Variants in ROBO2 observed in about 807,000 individuals in gnomAD.
ROBO2 encodes roundabout homolog 2.
Under a neutral mutation model 160.8 loss-of-function variants are expected in ROBO2, and 53 were observed. The ratio of observed to expected loss-of-function variants is 0.33; its 90% CI spans 0.26 to 0.41. The LOEUF (loss-of-function observed/expected upper bound fraction) is 0.41. Among genes scored for constraint, ROBO2 ranks in the 10% least tolerant of loss-of-function variants. The pLI, the probability that ROBO2 is intolerant of heterozygous loss-of-function variation, is 1.00. For missense variants in ROBO2, 1,577 were observed against 1,722.4 expected (o/e 0.92, Z 1.49); for synonymous variants, 664 against 611.7 (o/e 1.09, Z -1.26).
exon 26 of ROBO2, chr3:77,648,332 T>C (rs2095426353): frequency 2.0e-5 from 3 of 152,196 alleles, no homozygotes; most frequent in Non-Finnish European, 4.4e-5. Context: ...ATACAACACA[T>C]AGCCTTTGAT....
chr3:76,896,775 C>T (rs1238884592), intron 2 of ROBO2, among the ~76,000 whole-genome samples: 1 of 152,050 alleles, frequency 6.6e-6, no homozygotes, highest in Non-Finnish European at 1.5e-5. Context: ...TTACAATTTT[C>T]CTAATAATTG....
intron 2 of ROBO2, among the ~76,000 whole-genome samples, chr3:77,281,378 G>A (rs539969813): frequency 1.3e-5 from 2 of 152,088 alleles, no homozygotes; most frequent in Non-Finnish European, 2.9e-5. Flanking sequence ...AGGACAAAAG[G>A]TTTTTCTAGA....
At chr3:77,269,431 G>A (rs35610462) in intron 2 of ROBO2, among the ~76,000 whole-genome samples, 1,748 of 152,148 alleles carry the variant, frequency 0.011, 27 homozygotes, top group Non-Finnish European at 0.015. Flanking sequence ...TTAGGCTTTG[G>A]TACCTTTTTT....
At chr3:76,352,192 T>C (rs2074918053) in intron 2 of ROBO2, among the ~76,000 whole-genome samples, 1 of 151,942 alleles carries the variant, frequency 6.6e-6, no homozygotes, top group Non-Finnish European at 1.5e-5. Context: ...TGTGTACTAA[T>C]CTCATGATCT....
At chr3:77,641,158 G>A (rs1436868880) in intron 24 of ROBO2, among the ~76,000 whole-genome samples, 1 of 152,178 alleles carries the variant, frequency 6.6e-6, no homozygotes, top group Non-Finnish European at 1.5e-5. Context: ...CCAACAAACA[G>A]ATATCTCAAT....
chr3:76,189,891 A>G (rs1009935026), intron 2 of ROBO2, among the ~76,000 whole-genome samples: 1 of 152,112 alleles, frequency 6.6e-6, no homozygotes, highest in Non-Finnish European at 1.5e-5. Context: ...TCACTTGTCT[A>G]AAGGCATACA....
intron 2 of ROBO2, chr3:77,317,488 A>C (rs2064126716): frequency 6.7e-7 from 1 of 1,496,554 alleles, no homozygotes; most frequent in Admixed American, 1.7e-5. Context: ...GAGCTTGTAA[A>C]CTCCGATCCA....
At chr3:75,926,071 C>T (rs943292097) in intron 1 of ROBO2, among the ~76,000 whole-genome samples, 3 of 152,104 alleles carry the variant, frequency 2.0e-5, no homozygotes, top group African/African-American at 7.2e-5. Context: ...AAAAATCTGA[C>T]AAATATGATG....
intron 2 of ROBO2, among the ~76,000 whole-genome samples, chr3:77,365,536 C>T (rs535726143): frequency 1.3e-5 from 2 of 152,234 alleles, no homozygotes; most frequent in Admixed American, 6.5e-5. Context: ...TTGTCTAAGT[C>T]ACTGTTCTAT....
At chr3:76,851,840 A>C (rs2148543506) in intron 2 of ROBO2, among the ~76,000 whole-genome samples, 1 of 152,058 alleles carries the variant, frequency 6.6e-6, no homozygotes. Flanking sequence ...TTGAGATGTA[A>C]ATTTTCAGTG....
chr3:76,199,303 T>G (rs1281266145), intron 2 of ROBO2, among the ~76,000 whole-genome samples: 1 of 152,112 alleles, frequency 6.6e-6, no homozygotes, highest in East Asian at 1.9e-4. Context: ...TCACAGCCTT[T>G]AGAAACAGCA....
At position 76,507,359 on chromosome 3, in the gene ROBO2, C is replaced by G. The variant is rs1050679094; in HGVS notation, c.109+569757C>G. The stretch of plus-strand genomic sequence containing the variant: ...TAAAGATTATTCTAGCTATATAACC[C>G]TCACTTCTTTATGTAATTACTAAAT... On this transcript the variant is annotated intron_variant, in intron 2 of 26. Coordinates refer to the ROBO2 transcript ENST00000487694. 2.6e-5 allele frequency among the ~76,000 whole-genome samples: 4 copies of G among 151,760 alleles called. No individual in the cohort carries two copies. In the East Asian group the frequency reaches 5.8e-4, roughly 22 times the overall value.
At chr3:76,858,674 T>C (rs1039028844) in intron 2 of ROBO2, among the ~76,000 whole-genome samples, 1 of 152,140 alleles carries the variant, frequency 6.6e-6, no homozygotes, top group Non-Finnish European at 1.5e-5. Flanking sequence ...GACAGAGAAG[T>C]TTGATTTTTC....
chr3:77,310,600 A>T (rs1023266988), intron 2 of ROBO2, among the ~76,000 whole-genome samples: 6 of 152,196 alleles, frequency 3.9e-5, no homozygotes, highest in African/African-American at 1.4e-4. Context: ...TGTGTCTTTC[A>T]GAAAAATTGT....
At chr3:76,245,560 T>G (rs1705567827) in intron 2 of ROBO2, among the ~76,000 whole-genome samples, 1 of 152,218 alleles carries the variant, frequency 6.6e-6, no homozygotes, top group Non-Finnish European at 1.5e-5. Context: ...GATTTTGGTT[T>G]ATCTTTCTCT....
chr3:77,152,604 C>T (rs1560117999), intron 2 of ROBO2, among the ~76,000 whole-genome samples: 1 of 152,184 alleles, frequency 6.6e-6, no homozygotes, highest in East Asian at 1.9e-4. Flanking sequence ...AATCTCAGGC[C>T]TTATGCCAGG....
intron 2 of ROBO2, among the ~76,000 whole-genome samples, chr3:75,958,811 T>TA (rs900504844): frequency 4.6e-5 from 7 of 151,740 alleles, no homozygotes; most frequent in Admixed American, 1.3e-4. Context: ...GTAACAAAGA[T>TA]AAAAAAAGCA....
At chr3:77,342,373 G>A (rs1206061943) in intron 2 of ROBO2, among the ~76,000 whole-genome samples, 1 of 152,166 alleles carries the variant, frequency 6.6e-6, no homozygotes, top group Non-Finnish European at 1.5e-5. Flanking sequence ...TGAAAGTGCA[G>A]TGTGGGGTCA....
rs573453603 is a variant in ROBO2, at chr3:76,435,296, C to T, written c.109+497694C>T. ...CCCTGGATTGTGAGATAGTCAGTGC[C>T]AAATCTTCCTAGATGAACACCCTCA... On this transcript the variant is annotated intron_variant, in intron 2 of 26. Transcript: ENST00000487694. 206 of 1,020,204 alleles carry T rather than the reference C, an allele frequency of 2.0e-4. No individual in the cohort carries two copies. In the African/African-American group the frequency reaches 2.9e-3, roughly 14 times the overall value. 63.2% of individuals were successfully genotyped at this position (1,020,204 alleles called of 1,614,324 possible).
Sources: allele counts gnomAD v4.1 joint callset (sites outside exome capture counted in the v4.1 genomes callset), GRCh38; gene constraint gnomAD v4.1.1; transcripts MANE v1.5; gene names NCBI Gene and HGNC (gene_info 2026-07-23, HGNC 2026-07-21).